MAP7: variants seen among roughly 807,000 people sequenced by gnomAD.
The protein encoded by MAP7 is microtubule associated protein 7.
A neutral mutation model predicts 94.8 loss-of-function variants in MAP7; 52 were observed. The observed-to-expected ratio is 0.55, with a 90% CI of 0.44 to 0.69. The LOEUF is 0.69. MAP7 is among the 30% of genes least tolerant of loss of function. MAP7 has a pLI of 0.00. For synonymous variants in MAP7, 350 were observed against 357.0 expected (o/e 0.98, Z 0.22); for missense variants, 940 against 964.6 (o/e 0.97, Z 0.34).
intron 6 of MAP7, among the ~76,000 whole-genome samples, chr6:136,381,917 C>CAGAG (rs1403638806): frequency 1.3e-4 from 18 of 135,958 alleles, no homozygotes; most frequent in African/African-American, 2.7e-4. Context: ...CACACACACA[C>CAGAG]ACAGAGAGAG....
At chr6:136,383,515 T>C (rs1050813738) in intron 6 of MAP7, among the ~76,000 whole-genome samples, 156 bp downstream of exon 6, 1 of 152,236 alleles carries the variant, frequency 6.6e-6, no homozygotes, top group African/African-American at 2.4e-5. Context: ...AAAATGCTGC[T>C]CAGCCGTTTA....
Position 136,344,046 on chromosome 6 carries a change from G to A in MAP7, c.*182C>T. 2.8e-6 allele frequency: 1 copy of A among 357,332 alleles called. No homozygotes were observed. Among genetic ancestry groups the A allele is most frequent in the Non-Finnish European group, 5.1e-6 (1 of 195,450 alleles). The allele number at this position is 357,332 out of a possible 1,614,324, so 22.1% of individuals were successfully genotyped here. A position where few individuals can be genotyped will look rare whatever the true frequency, so the allele number is the denominator to read the frequency against. On this transcript the variant is annotated 3_prime_UTR_variant, in exon 18 of 18. Coordinates refer to ENST00000354570, the MANE Select transcript of MAP7 (RefSeq NM_003980.6). ...GACGTATTTCTTTTTTCCTATTGATGAAAATTATTAGAAAAGCTATCCAGT... is the reference window on the plus strand; with the variant it reads ...GACGTATTTCTTTTTTCCTATTGATAAAAATTATTAGAAAAGCTATCCAGT...
chr6:136,420,148 T>C lies in MAP7; in HGVS notation c.166+1553A>G, dbSNP rs1233401162. 6 of 903,586 alleles carry C rather than the reference T, an allele frequency of 6.6e-6. No homozygotes were observed. The East Asian group carries it at 1.2e-4, about 18-fold the overall frequency. 56.0% of individuals were successfully genotyped at this position (903,586 alleles called of 1,614,324 possible). A position where few individuals can be genotyped will look rare whatever the true frequency, so the allele number is the denominator to read the frequency against. On this transcript the variant is annotated intron_variant, in intron 2 of 17. Transcript: ENST00000354570. ...ATCTTTAATCAAAGAAGAAAGTATT[T>C]TTGGCACCATCTTCATTGTTATCTG...
At chr6:136,446,649 T>C (rs1799453315) in intron 1 of MAP7, among the ~76,000 whole-genome samples, 1 of 152,226 alleles carries the variant, frequency 6.6e-6, no homozygotes, top group Admixed American at 6.5e-5. Flanking sequence ...TAGGGGCTGC[T>C]GGCCACCAGG....
chr6:136,491,758 C>T (rs556116044), intron 1 of MAP7, among the ~76,000 whole-genome samples: 44 of 152,180 alleles, frequency 2.9e-4, no homozygotes, highest in Non-Finnish European at 4.6e-4. Flanking sequence ...AAAGTCAATA[C>T]ATTAAAATGA....
At position 136,550,081 on chromosome 6, in the gene MAP7, G is replaced by A. The variant is rs1830020939; in HGVS notation, c.67+261C>T. The stretch of plus-strand genomic sequence containing the variant: ...CTCCCCCGGCTCGCCTCCACCTGTT[G>A]CGGGAAAGTCGCGGTGGAGCGCCCG... On this transcript the variant is annotated intron_variant, in intron 1 of 17. Transcript: ENST00000354570. The surrounding 1 kb of genome is among the most constrained non-coding windows in gnomAD (Gnocchi z 5.1). Among the ~76,000 whole-genome samples the A allele has an allele frequency of 6.6e-6, 1 of 151,598 alleles. No individual in the cohort carries two copies. The highest frequency in any genetic ancestry group is 2.4e-5 in the African/African-American group (1 of 41,362).
In MAP7 at chr6:136,389,758, T is replaced by C. The variant is rs556319677; in HGVS notation, c.245-241A>G. ...TGAAAATGTACTGAATTCCACTCTT[T>C]GGGAACGCAAGCAGCCCTCTAGTTT... On this transcript the variant is annotated intron_variant, in intron 3 of 17. Coordinates refer to ENST00000354570, the MANE Select transcript of MAP7 (RefSeq NM_003980.6). 2.0e-5 allele frequency among the ~76,000 whole-genome samples: 3 copies of C among 152,304 alleles called. No homozygotes were observed. The South Asian group carries it at 6.2e-4, about 32-fold the overall frequency.
At chr6:136,349,332 T>A (rs1788509565) in intron 16 of MAP7, among the ~76,000 whole-genome samples, 1 of 152,314 alleles carries the variant, frequency 6.6e-6, no homozygotes, top group Non-Finnish European at 1.5e-5. Context: ...ATGTATATAT[T>A]CATTTATAAA....
At position 136,353,038 on chromosome 6, in the gene MAP7, A is replaced by T. The variant is rs528637520; in HGVS notation, c.2015+3654T>A. Among the ~76,000 whole-genome samples the T allele has an allele frequency of 3.9e-5, 6 of 152,338 alleles. No homozygotes were observed. The East Asian group carries it at 1.2e-3, about 29-fold the overall frequency. On this transcript the variant is annotated intron_variant, in intron 16 of 17. Coordinates refer to ENST00000354570, the MANE Select transcript of MAP7 (RefSeq NM_003980.6). ...ACAAACTGTGTGTCATATAATGGGG[A>T]CCAAACTTAACATCACATTAAACAT... is the stretch of plus-strand genomic sequence containing the variant.
At chr6:136,384,341 T>C (rs563907023) in intron 5 of MAP7, among the ~76,000 whole-genome samples, 70 of 152,196 alleles carry the variant, frequency 4.6e-4, no homozygotes, top group African/African-American at 1.6e-3. Context: ...ACATTCTAAG[T>C]GTGGAAAGGA....
chr6:136,364,247 A>C (rs1793654073), intron 10 of MAP7: 1 of 543,142 alleles, frequency 1.8e-6, no homozygotes, highest in African/African-American at 1.9e-5. Flanking sequence ...CAGCTGGTGT[A>C]AATGTTGAAC....
intron 1 of MAP7, among the ~76,000 whole-genome samples, chr6:136,520,232 A>G (rs2129046232): frequency 6.6e-6 from 1 of 150,776 alleles, no homozygotes; most frequent in African/African-American, 2.4e-5. Context: ...GAGGAGCAGG[A>G]GGAGGAGAAG....
chr6:136,364,203 G>A (rs1009142646), intron 10 of MAP7: 7 of 529,280 alleles, frequency 1.3e-5, no homozygotes, highest in Admixed American at 7.9e-5. Flanking sequence ...TGAGGTGACC[G>A]TCAAGGAGGA....
chr6:136,412,563 T>C (rs1465909697), intron 2 of MAP7, among the ~76,000 whole-genome samples: 1 of 152,086 alleles, frequency 6.6e-6, no homozygotes, highest in African/African-American at 2.4e-5. Context: ...GGCCTCACTG[T>C]GATAATGATG....
chr6:136,439,333 G>C (rs1408482583), intron 1 of MAP7, among the ~76,000 whole-genome samples: 1 of 151,890 alleles, frequency 6.6e-6, no homozygotes, highest in African/African-American at 2.4e-5. Flanking sequence ...TGTCCTTTTT[G>C]CCCCTTTTAC....
intron 1 of MAP7, among the ~76,000 whole-genome samples, chr6:136,460,171 G>T (rs905271101): frequency 6.6e-6 from 1 of 152,112 alleles, no homozygotes; most frequent in Non-Finnish European, 1.5e-5. Context: ...AATAGTCAAT[G>T]GGGGACTATT....
chr6:136,487,468 TGGGAGACCAAG>T (rs1815135903), intron 1 of MAP7, among the ~76,000 whole-genome samples: 1 of 152,148 alleles, frequency 6.6e-6, no homozygotes. Flanking sequence ...CCCAGCACTT[TGGGAGACCAAG>T]GTGGAAGGAC....
intron 1 of MAP7, among the ~76,000 whole-genome samples, chr6:136,481,158 T>C (rs1322491658): frequency 1.3e-5 from 2 of 152,192 alleles, no homozygotes; most frequent in Admixed American, 1.3e-4. Context: ...GAAACCCTTG[T>C]ACAATGCTGG....
rs1794379187 is a variant in MAP7 at position 136,366,552 on chromosome 6, G to C, written c.877-113C>G. 1.1e-5 allele frequency: 8 copies of C among 736,556 alleles called. No individual in the cohort carries two copies. The East Asian group carries it at 1.8e-4, about 17-fold the overall frequency. The allele number at this position is 736,556 out of a possible 1,614,324, so 45.6% of individuals were successfully genotyped here. ...GAATGACTTTTAAGAAATTTTCTTA[G>C]CTATGTCACATATACCCATTCCATC... On this transcript the variant is annotated intron_variant, in intron 8 of 17. Transcript: ENST00000354570.
Sources: allele counts gnomAD v4.1 joint callset (sites outside exome capture counted in the v4.1 genomes callset), GRCh38; gene constraint gnomAD v4.1.1; non-coding constraint Gnocchi (gnomAD v3.1); transcripts MANE v1.5; gene names NCBI Gene and HGNC (gene_info 2026-07-23, HGNC 2026-07-21).